The following SCN11A variants were observed in gnomAD, a reference collection of about 807,000 sequenced individuals.
The protein encoded by SCN11A is sodium channel protein type 11 subunit alpha.
SCN11A carries 122 observed loss-of-function variants against 162.2 expected under a neutral mutation model. The ratio of observed to expected loss-of-function variants is 0.75; its 90% CI spans 0.65 to 0.87. The LOEUF (loss-of-function observed/expected upper bound fraction) is 0.87, where lower values mean the gene tolerates loss of function less well. Among genes scored for constraint, SCN11A ranks in the 40% least tolerant of loss-of-function variants. The probability of loss-of-function intolerance (pLI) is 0.00; values close to 1 mark genes in which losing one functional copy is unlikely to be tolerated. For missense variants in SCN11A, 2,015 were observed against 2,181.6 expected, an observed-to-expected ratio of 0.92 and a Z score of 1.52; for synonymous variants, 758 against 751.5, an observed-to-expected ratio of 1.01 and a Z score of -0.14.
intron 1 of SCN11A, among the ~76,000 whole-genome samples, chr3:39,036,256 G>A (rs948533512): frequency 3.3e-5 from 5 of 152,004 alleles, no homozygotes; most frequent in African/African-American, 7.3e-5. Flanking sequence ...AGATTCTCAC[G>A]CCTCAGGCCT....
At chr3:38,986,998 A>G (rs552469627) in intron 2 of SCN11A, among the ~76,000 whole-genome samples, 1 of 152,284 alleles carries the variant, frequency 6.6e-6, no homozygotes, top group South Asian at 2.1e-4. Context: ...CAACTACAGC[A>G]AGACCAGTAG....
intron 27 of SCN11A, among the ~76,000 whole-genome samples, chr3:38,864,538 T>A (rs919158436): frequency 6.6e-6 from 1 of 152,164 alleles, no homozygotes; most frequent in Non-Finnish European, 1.5e-5. Flanking sequence ...GATATAGATG[T>A]TAAGTGAAAA....
intron 7 of SCN11A, among the ~76,000 whole-genome samples, chr3:38,941,808 A>G (rs2066446869): frequency 1.3e-5 from 2 of 151,902 alleles, no homozygotes; most frequent in African/African-American, 2.4e-5. Flanking sequence ...CAAAAAAAAA[A>G]AGAGATAAAT....
At chr3:38,999,556 C>T (rs558868108) in intron 2 of SCN11A, among the ~76,000 whole-genome samples, 1 of 152,298 alleles carries the variant, frequency 6.6e-6, no homozygotes, top group African/African-American at 2.4e-5. Flanking sequence ...CTCTGCCAGA[C>T]CCTCATTTCT....
intron 16 of SCN11A, among the ~76,000 whole-genome samples, chr3:38,901,623 T>C (rs73826396): frequency 0.016 from 2,414 of 152,304 alleles, 67 homozygotes; most frequent in African/African-American, 0.056. Flanking sequence ...TGCAGAACTC[T>C]ACAGAGTGGC....
At chr3:39,034,545 C>T (rs1346745992) in intron 1 of SCN11A, among the ~76,000 whole-genome samples, 2 of 152,194 alleles carry the variant, frequency 1.3e-5, no homozygotes, top group East Asian at 1.9e-4. Context: ...AGATCTGGAA[C>T]ACAACAAAGA....
intron 28 of SCN11A, among the ~76,000 whole-genome samples, chr3:38,859,391 A>T (rs1270762072): frequency 6.6e-6 from 1 of 152,104 alleles, no homozygotes; most frequent in Non-Finnish European, 1.5e-5. Flanking sequence ...CTACAAACAC[A>T]TACATGCACA....
chr3:38,847,982 A>G (rs184797561), intron 29 of SCN11A, among the ~76,000 whole-genome samples: 1 of 152,298 alleles, frequency 6.6e-6, no homozygotes, highest in Non-Finnish European at 1.5e-5. Context: ...GAATTTAAAT[A>G]CAGCCCTACT....
chr3:38,924,243 A>G (rs1347011808), intron 9 of SCN11A, among the ~76,000 whole-genome samples: 4 of 148,962 alleles, frequency 2.7e-5, no homozygotes, highest in Non-Finnish European at 4.5e-5. Flanking sequence ...TTTTTTTTAG[A>G]CCTTAGGCTG....
At chr3:38,877,053 T>C (rs150325598) in intron 23 of SCN11A, among the ~76,000 whole-genome samples, 3,636 of 85,512 alleles carry the variant, frequency 0.043, 244 homozygotes, top group African/African-American at 0.09. Flanking sequence ...GTGTATATAC[T>C]ATATATATGG....
chr3:38,950,802 A>G (rs904016891), intron 4 of SCN11A, among the ~76,000 whole-genome samples: 4 of 152,276 alleles, frequency 2.6e-5, no homozygotes, highest in Non-Finnish European at 5.9e-5. Flanking sequence ...ACTGGGCCAT[A>G]GTTATGGATT....
At chr3:38,868,541 G>T (rs1424558424) in intron 26 of SCN11A, among the ~76,000 whole-genome samples, 1 of 152,202 alleles carries the variant, frequency 6.6e-6, no homozygotes, top group African/African-American at 2.4e-5. Flanking sequence ...TTAAATCAAA[G>T]GTTTGAAGGT....
rs2030218269 is a variant in SCN11A, at chr3:38,985,796, A to G, written c.-279-25373T>C. Among the ~76,000 whole-genome samples the G allele has an allele frequency of 2.0e-5, 3 of 151,014 alleles. No individual in the cohort carries two copies. The South Asian group carries it at 6.2e-4, about 31-fold the overall frequency. On this transcript the variant is annotated intron_variant, in intron 2 of 29. Transcript: ENST00000302328. ...ACCTCAAAACTTAGTGGCTTAAAAT[A>G]GCCATAAGTGTTTACCATCTCACAG...
chr3:38,863,129 G>A (rs1575217653), intron 28 of SCN11A, 66 bp downstream of exon 28: 9 of 930,578 alleles, frequency 9.7e-6, no homozygotes, highest in South Asian at 2.7e-5. Context: ...ATGGCATTAC[G>A]GAAATTTGAG....
chr3:38,877,123 T>C (rs532653895), intron 23 of SCN11A, among the ~76,000 whole-genome samples: 4 of 116,914 alleles, frequency 3.4e-5, no homozygotes, highest in African/African-American at 1.4e-4. Context: ...ACTATATATA[T>C]GGTGTATATA....
At chr3:38,916,333 C>G (rs547873433) in intron 11 of SCN11A, among the ~76,000 whole-genome samples, 1 of 152,208 alleles carries the variant, frequency 6.6e-6, no homozygotes, top group African/African-American at 2.4e-5. Context: ...ATGTCCTAGT[C>G]TTTCTGTCTC....
chr3:38,960,414 G>A lies in SCN11A; in HGVS notation c.-270C>T, dbSNP rs905993326. 5.9e-5 allele frequency among the ~76,000 whole-genome samples: 9 copies of A among 152,142 alleles called. No individual in the cohort carries two copies. Among genetic ancestry groups the A allele is most frequent in the Admixed American group, 2.0e-4 (3 of 15,284 alleles). ...TGCCTGGAGCCCTTCTGGGAGGAGC[G>A]GCTTGGAGGCTGGGTGGAGAGTGTG... On this transcript the variant is annotated 5_prime_UTR_variant, in exon 3 of 30. Transcript: ENST00000302328.
In SCN11A at chr3:39,039,813, C is replaced by T. The variant is rs185094423; in HGVS notation, c.-403-7310G>A. 5.6e-4 allele frequency among the ~76,000 whole-genome samples: 85 copies of T among 152,242 alleles called. 1 individual carries two copies. The highest frequency in any genetic ancestry group is 2.1e-3 in the Admixed American group (32 of 15,298). On this transcript the variant is annotated intron_variant, in intron 1 of 29. Coordinates refer to ENST00000302328, the MANE Select transcript of SCN11A (RefSeq NM_001349253.2). ...GCTGTCACCACTGGAGACCCTGCCC[C>T]CTCCAGTGGCAGAGCTACCATGTAC...
intron 2 of SCN11A, among the ~76,000 whole-genome samples, chr3:39,021,804 T>C (rs2031459483): frequency 6.6e-6 from 1 of 152,204 alleles, no homozygotes; most frequent in South Asian, 2.1e-4. Flanking sequence ...GAACAACATT[T>C]TCTAGAAGCT....
Sources: gnomAD v4.1 joint callset for allele counts (sites outside exome capture counted in the v4.1 genomes callset) on GRCh38, gnomAD v4.1.1 for gene constraint, MANE v1.5 for transcripts, NCBI Gene and HGNC (gene_info 2026-07-23, HGNC 2026-07-21) for gene names.